Variants in METTL14 observed in about 807,000 individuals in gnomAD.
METTL14 encodes the protein methyltransferase 14, N6-adenosine-methyltransferase non-catalytic subunit.
Under a neutral mutation model 62.4 loss-of-function variants are expected in METTL14, and 32 were observed. That is an observed-to-expected ratio of 0.51 (90% CI 0.39 to 0.69). METTL14 has a LOEUF of 0.69. Among genes scored for constraint, METTL14 ranks in the 30% least tolerant of loss-of-function variants. The pLI, the probability that METTL14 is intolerant of heterozygous loss-of-function variation, is 0.00. For missense variants in METTL14, 340 were observed against 551.9 expected, an observed-to-expected ratio of 0.62 and a Z score of 3.85; for synonymous variants, 150 against 180.0, an observed-to-expected ratio of 0.83 and a Z score of 1.34.
chr4:118,685,813 G>A (rs1724036742), intron 1 of METTL14, among the ~76,000 whole-genome samples: 1 of 152,032 alleles, frequency 6.6e-6, no homozygotes, highest in Non-Finnish European at 1.5e-5. Context: ...GGTCTTTGTG[G>A]TGCTAAACCG....
rs1032637936 is a variant in METTL14 at position 118,713,574 on chromosome 4, G to A, written c.*3272G>A. On this transcript the variant is annotated 3_prime_UTR_variant, in exon 11 of 11. Coordinates refer to ENST00000388822, the MANE Select transcript of METTL14 (RefSeq NM_020961.4). ...TAGTCTAAACAGTAGTCTTTGATCT[G>A]AAAGTGTCTCATATTTTGTGATCTA... 6.6e-6 allele frequency: 1 copy of A among 152,168 alleles called. No individual in the cohort carries two copies. Among genetic ancestry groups the A allele is most frequent in the Non-Finnish European group, 1.5e-5 (1 of 68,032 alleles). The allele number at this position is 152,168 out of a possible 1,614,324, so 9.4% of individuals were successfully genotyped here.
At chr4:118,704,724 C>T (rs1265900507) in intron 9 of METTL14, among the ~76,000 whole-genome samples, 1 of 152,116 alleles carries the variant, frequency 6.6e-6, no homozygotes, top group Admixed American at 6.5e-5. Flanking sequence ...TTATGTGTCT[C>T]TTCCATCTGG....
intron 9 of METTL14, 98 bp from the exon 10 acceptor site, chr4:118,705,513 A>C: frequency 1.0e-6 from 1 of 973,002 alleles, no homozygotes; most frequent in African/African-American, 1.6e-5. Context: ...GATTCCGAGA[A>C]ATGAGGATTG....
At chr4:118,686,286 A>G (rs1336649930) in intron 1 of METTL14, among the ~76,000 whole-genome samples, 4 of 152,222 alleles carry the variant, frequency 2.6e-5, no homozygotes, top group Non-Finnish European at 5.9e-5. Flanking sequence ...TTGTCTTCTA[A>G]ACCATTGTCC....
intron 10 of METTL14, among the ~76,000 whole-genome samples, chr4:118,708,188 G>A (rs1724815123): frequency 6.6e-6 from 1 of 152,172 alleles, no homozygotes; most frequent in Non-Finnish European, 1.5e-5. Context: ...AAAACACAAT[G>A]TTGCTGTGCA....
In METTL14 at chr4:118,696,117, C is replaced by CAAAAAAAAAAAAA. The variant is rs70941201; in HGVS notation, c.504-1049_504-1037dup. Among the ~76,000 whole-genome samples, 67 of 33,910 alleles carry CAAAAAAAAAAAAA rather than the reference C, an allele frequency of 2.0e-3. 12 individuals carry two copies. Among genetic ancestry groups the CAAAAAAAAAAAAA allele is most frequent in the Non-Finnish European group, 2.3e-3 (50 of 21,550 alleles). The allele number at this position is 33,910 out of a possible 152,430, so 22.2% of individuals were successfully genotyped here. On this transcript the variant is annotated intron_variant, in intron 6 of 10. Coordinates refer to ENST00000388822, the MANE Select transcript of METTL14 (RefSeq NM_020961.4). ...CTGGCAACAGAGTGAGACTCTGTCT[C>CAAAAAAAAAAAAA]AAAAAAAAAAAAAAAAAAAAAAAAA... is the stretch of plus-strand genomic sequence containing the variant.
At chr4:118,693,483 G>A (rs1484022681) in intron 5 of METTL14, among the ~76,000 whole-genome samples, 1 of 152,116 alleles carries the variant, frequency 6.6e-6, no homozygotes, top group Non-Finnish European at 1.5e-5. Context: ...TGACTTTCTT[G>A]ATAGTATATT....
intron 6 of METTL14, 104 bp from the exon 7 acceptor site, chr4:118,697,065 AATAATGTTTAGTG>A: frequency 1.4e-6 from 1 of 720,228 alleles, no homozygotes; most frequent in East Asian, 2.8e-5. Flanking sequence ...AGTGTTTAGT[AATAATGTTTAGTG>A]ATATCTAAGA....
intron 8 of METTL14, among the ~76,000 whole-genome samples, chr4:118,701,190 T>TTG (rs1292788002): frequency 4.7e-5 from 7 of 150,250 alleles, no homozygotes; most frequent in African/African-American, 7.3e-5. Context: ...TTTGTTTTTT[T>TTG]TTGTTTTTTT....
chr4:118,694,619 C>A, intron 6 of METTL14, 93 bp downstream of exon 6: 1 of 917,018 alleles, frequency 1.1e-6, no homozygotes, highest in Non-Finnish European at 1.7e-6. Context: ...TTCCTAAATT[C>A]AGCACTTATG....
intron 2 of METTL14, among the ~76,000 whole-genome samples, chr4:118,688,452 A>G (rs1724144503): frequency 6.6e-6 from 1 of 152,026 alleles, no homozygotes; most frequent in African/African-American, 2.4e-5. Flanking sequence ...AAAAAAAAAA[A>G]AAAAATGTGA....
intron 5 of METTL14, among the ~76,000 whole-genome samples, chr4:118,692,557 C>T (rs566769636): frequency 2.6e-5 from 4 of 152,256 alleles, no homozygotes; most frequent in East Asian, 1.9e-4. Flanking sequence ...CGTGAGCCAC[C>T]GCTCCAGGCC....
At chr4:118,698,837 T>C (rs1724504773) in intron 7 of METTL14, among the ~76,000 whole-genome samples, 1 of 152,212 alleles carries the variant, frequency 6.6e-6, no homozygotes, top group Non-Finnish European at 1.5e-5. Context: ...CAGGCAGATC[T>C]GGTTTCAAAA....
At chr4:118,686,775 A>G (rs1724077248) in intron 1 of METTL14, 1 of 386,920 alleles carries the variant, frequency 2.6e-6, no homozygotes, top group Non-Finnish European at 5.1e-6. Context: ...ATTTGACTCA[A>G]TATACATTCA....
rs951378918 is a variant in METTL14 at position 118,713,628 on chromosome 4, A to C, written c.*3326A>C. ...GAAACATAAACCTTTGCTTATGCAG[A>C]AGGTCTTTCTTAGAACAATCCTGTA... On this transcript the variant is annotated 3_prime_UTR_variant, in exon 11 of 11. Transcript: ENST00000388822. 6.6e-6 allele frequency: 1 copy of C among 152,218 alleles called. No individual in the cohort carries two copies. The highest frequency in any genetic ancestry group is 1.5e-5 in the Non-Finnish European group (1 of 68,034). 9.4% of individuals were successfully genotyped at this position (152,218 alleles called of 1,614,324 possible).
At chr4:118,694,126 GT>G (rs373278873) in intron 5 of METTL14, among the ~76,000 whole-genome samples, 160 of 116,352 alleles carry the variant, frequency 1.4e-3, no homozygotes, top group Non-Finnish European at 1.5e-3. Flanking sequence ...AAAGGTAGTT[GT>G]TTTTTTTTTT....
intron 7 of METTL14, 51 bp from the exon 8 acceptor site, chr4:118,700,499 A>C: frequency 7.1e-7 from 1 of 1,413,740 alleles, no homozygotes; most frequent in Non-Finnish European, 1.0e-6. Context: ...TGGATTTAGG[A>C]TGAATGGGAA....
At chr4:118,701,183 G>GTTTTTTTT (rs373953605) in intron 8 of METTL14, among the ~76,000 whole-genome samples, 3 of 132,248 alleles carry the variant, frequency 2.3e-5, no homozygotes, top group Non-Finnish European at 1.7e-5. Context: ...GTTTTTTTTT[G>GTTTTTTTT]TTTTTTTTTG....
At chr4:118,705,891 CT>C in intron 10 of METTL14, 70 bp downstream of exon 10, 1 of 1,206,176 alleles carries the variant, frequency 8.3e-7, no homozygotes, top group Non-Finnish European at 1.2e-6. Context: ...GGACATGGTG[CT>C]GTGTAAAATA....
Sources: gnomAD v4.1 joint callset for allele counts (sites outside exome capture counted in the v4.1 genomes callset) on GRCh38, gnomAD v4.1.1 for gene constraint, MANE v1.5 for transcripts, NCBI Gene and HGNC (gene_info 2026-07-23, HGNC 2026-07-21) for gene names.